Variants in PACSIN2 observed in about 807,000 individuals in gnomAD.
PACSIN2 encodes the protein protein kinase C and casein kinase substrate in neurons 2.
PACSIN2 carries 25 observed loss-of-function variants against 63.8 expected under a neutral mutation model. The observed-to-expected ratio is 0.39, with a 90% CI of 0.29 to 0.55. The LOEUF (loss-of-function observed/expected upper bound fraction) is 0.55, where lower values mean the gene tolerates loss of function less well. Ranked by LOEUF, PACSIN2 falls within the 20% of genes least tolerant of loss-of-function variation. The probability of loss-of-function intolerance (pLI) is 0.62; values close to 1 mark genes in which losing one functional copy is unlikely to be tolerated. For missense variants in PACSIN2, 518 were observed against 646.9 expected, an observed-to-expected ratio of 0.80 and a Z score of 2.16; for synonymous variants, 255 against 256.2, an observed-to-expected ratio of 1.00 and a Z score of 0.05.
intron 10 of PACSIN2, among the ~76,000 whole-genome samples, chr22:42,874,473 G>A (rs939688745): frequency 6.6e-6 from 1 of 152,218 alleles, no homozygotes; most frequent in East Asian, 1.9e-4. Flanking sequence ...ACAGATATGT[G>A]TGTGGGTTGG....
intron 1 of PACSIN2, among the ~76,000 whole-genome samples, chr22:43,006,609 G>C (rs766971180): frequency 1.3e-5 from 2 of 152,182 alleles, no homozygotes; most frequent in Non-Finnish European, 2.9e-5. Context: ...GAGGTCAGGA[G>C]TTTGAGACCA....
intron 1 of PACSIN2, among the ~76,000 whole-genome samples, chr22:42,935,896 T>C (rs565916554): frequency 6.6e-6 from 1 of 152,086 alleles, no homozygotes; most frequent in South Asian, 2.1e-4. Flanking sequence ...GTACATTCTA[T>C]CACTTCATTC....
rs770891387 is a variant in PACSIN2, at chr22:43,013,408, G to A, written c.-78+1613C>T. ...TCTCAACCAGCATAACCTCACCAAAGAGGCTACCAAACTCTAGAATTAAGT... is the reference window on the plus strand; with the variant it reads ...TCTCAACCAGCATAACCTCACCAAAAAGGCTACCAAACTCTAGAATTAAGT... On this transcript the variant is annotated intron_variant, in intron 1 of 10. Transcript: ENST00000263246. 3.1e-4 allele frequency among the ~76,000 whole-genome samples: 47 copies of A among 152,210 alleles called. 1 individual carries two copies. The highest frequency in any genetic ancestry group is 1.5e-5 in the Non-Finnish European group (1 of 68,046).
chr22:42,903,778 G>A (rs991209755), intron 2 of PACSIN2, among the ~76,000 whole-genome samples: 33 of 152,138 alleles, frequency 2.2e-4, no homozygotes, highest in African/African-American at 7.7e-4. Context: ...ATCCAGACTC[G>A]ATTCTGACCC....
chr22:42,987,493 C>CACACACACA (rs1569355103), intron 1 of PACSIN2, among the ~76,000 whole-genome samples: 3 of 91,374 alleles, frequency 3.3e-5, no homozygotes, highest in African/African-American at 5.2e-5. Flanking sequence ...CACACACACA[C>CACACACACA]CCATGGCACC....
chr22:42,890,438 G>A (rs1382063678), intron 4 of PACSIN2, among the ~76,000 whole-genome samples: 1 of 151,950 alleles, frequency 6.6e-6, no homozygotes, highest in East Asian at 1.9e-4. Flanking sequence ...GTGTTGGTAG[G>A]ATCAAATTTA....
chr22:42,914,953 T>A (rs1931715453), intron 1 of PACSIN2, among the ~76,000 whole-genome samples: 1 of 152,170 alleles, frequency 6.6e-6, no homozygotes, highest in Non-Finnish European at 1.5e-5. Flanking sequence ...AGCCTCGAAC[T>A]CATGGGCTCA....
intron 1 of PACSIN2, among the ~76,000 whole-genome samples, chr22:42,913,512 A>G (rs1032772420): frequency 1.3e-5 from 2 of 150,972 alleles, no homozygotes; most frequent in East Asian, 3.9e-4. Flanking sequence ...AAAGAGAGAC[A>G]CTAATGGAAC....
chr22:42,875,449 A>G (rs1375210329), intron 10 of PACSIN2, among the ~76,000 whole-genome samples: 1 of 151,760 alleles, frequency 6.6e-6, no homozygotes. Flanking sequence ...GATTCATTGC[A>G]ACCTCAATCT....
chr22:42,928,524 A>G (rs1273582586), intron 1 of PACSIN2, among the ~76,000 whole-genome samples: 1 of 152,214 alleles, frequency 6.6e-6, no homozygotes, highest in Admixed American at 6.5e-5. Flanking sequence ...GTGAAATTTT[A>G]GATGTGAAAC....
intron 1 of PACSIN2, among the ~76,000 whole-genome samples, chr22:42,999,689 C>T (rs2146915756): frequency 6.6e-6 from 1 of 152,240 alleles, no homozygotes; most frequent in East Asian, 1.9e-4. Context: ...ATGCTGTCTA[C>T]AGACTATGCC....
chr22:42,973,983 C>G (rs1012795487), intron 1 of PACSIN2, among the ~76,000 whole-genome samples: 1 of 152,212 alleles, frequency 6.6e-6, no homozygotes. Context: ...CAGCTCACAG[C>G]CCACGAGCTG....
intron 2 of PACSIN2, among the ~76,000 whole-genome samples, chr22:42,908,218 G>A (rs764564463): frequency 4.6e-5 from 7 of 152,160 alleles, no homozygotes; most frequent in Admixed American, 1.3e-4. Context: ...TCCCGCCTCC[G>A]GGGAGCTTTT....
chr22:42,926,221 C>CA (rs1434316933), intron 1 of PACSIN2, among the ~76,000 whole-genome samples: 4 of 152,162 alleles, frequency 2.6e-5, no homozygotes, highest in East Asian at 3.9e-4. Flanking sequence ...CAACGGGAAA[C>CA]AGCTTGCGCA....
At chr22:42,901,911 C>G (rs936731100) in intron 2 of PACSIN2, among the ~76,000 whole-genome samples, 1 of 152,206 alleles carries the variant, frequency 6.6e-6, no homozygotes, top group Non-Finnish European at 1.5e-5. Flanking sequence ...GACCAGCTGG[C>G]TCGCCCCTGG....
At chr22:42,993,688 A>G (rs2146907144) in intron 1 of PACSIN2, 1 of 152,344 alleles carries the variant, frequency 6.6e-6, no homozygotes, top group East Asian at 1.9e-4. Context: ...GCAGACTGTC[A>G]TCTTCTGAGA....
Position 42,912,294 on chromosome 22 carries a change from A to G in PACSIN2, c.-77-137T>C, listed in dbSNP as rs1437769386. The G allele has an allele frequency of 1.2e-5, 6 of 520,910 alleles. No homozygotes were observed. In the East Asian group the frequency reaches 2.1e-4, roughly 18 times the overall value. The allele number at this position is 520,910 out of a possible 1,614,324, so 32.3% of individuals were successfully genotyped here. On this transcript the variant is annotated intron_variant, in intron 1 of 10. Transcript: ENST00000263246. The stretch of plus-strand genomic sequence containing the variant: ...GTCTATAATATTTCCTTTAGGTGGC[A>G]GAAAGCCAGTAGACTCTAATCAACT...
chr22:43,003,266 C>T (rs1194103748), intron 1 of PACSIN2, among the ~76,000 whole-genome samples: 1 of 152,048 alleles, frequency 6.6e-6, no homozygotes, highest in Admixed American at 6.5e-5. Flanking sequence ...TTAAAGAAAG[C>T]AAAAAAGAAG....
At chr22:42,916,573 G>A (rs992483274) in intron 1 of PACSIN2, among the ~76,000 whole-genome samples, 21 of 152,152 alleles carry the variant, frequency 1.4e-4, no homozygotes, top group Non-Finnish European at 2.6e-4. Context: ...CAGCCTCAGC[G>A]TATGGGACTC....
Sources: allele counts gnomAD v4.1 joint callset (sites outside exome capture counted in the v4.1 genomes callset), GRCh38; gene constraint gnomAD v4.1.1; transcripts MANE v1.5; gene names NCBI Gene and HGNC (gene_info 2026-07-23, HGNC 2026-07-21).